Variants in SLC35B3 observed in about 807,000 individuals in gnomAD.
The protein encoded by SLC35B3 is solute carrier family 35 member B3, also known as adenosine 3'-phospho 5'-phosphosulfate transporter 2.
SLC35B3 carries 35 observed loss-of-function variants against 44.1 expected under a neutral mutation model. That is an observed-to-expected ratio of 0.79 (90% CI 0.61 to 1.05). The LOEUF is 1.05. Ranked by LOEUF, SLC35B3 falls within the 50% of genes least tolerant of loss-of-function variation. The pLI, the probability that SLC35B3 is intolerant of heterozygous loss-of-function variation, is 0.00. For synonymous variants in SLC35B3, 146 were observed against 167.3 expected (o/e 0.87, Z 0.98); for missense variants, 414 against 476.4 (o/e 0.87, Z 1.22).
intron 5 of SLC35B3, among the ~76,000 whole-genome samples, chr6:8,421,469 G>A (rs1392638436): frequency 6.6e-6 from 1 of 152,032 alleles, no homozygotes; most frequent in Non-Finnish European, 1.5e-5. Flanking sequence ...ACGTGAAGTA[G>A]TTGACAACAC....
chr6:8,427,765 A>AT, intron 4 of SLC35B3, 172 bp downstream of exon 3: 2 of 481,176 alleles, frequency 4.2e-6, no homozygotes, highest in Non-Finnish European at 7.1e-6. Context: ...TTAAGACTTT[A>AT]TTTTTTTCAG....
chr6:8,430,363 A>ATGGTT, intron 2 of SLC35B3, among the ~76,000 whole-genome samples: 2 of 152,208 alleles, frequency 1.3e-5, no homozygotes, highest in Non-Finnish European at 2.9e-5. Flanking sequence ...AAAGATTAGT[A>ATGGTT]CATCATTAAA....
chr6:8,427,586 T>C (rs1763537786), intron 4 of SLC35B3, among the ~76,000 whole-genome samples: 1 of 152,210 alleles, frequency 6.6e-6, no homozygotes, highest in African/African-American at 2.4e-5. Flanking sequence ...TGTACTGATA[T>C]TTCATTTCAC....
chr6:8,424,707 A>G (rs977898900), intron 4 of SLC35B3, among the ~76,000 whole-genome samples: 1 of 152,222 alleles, frequency 6.6e-6, no homozygotes, highest in African/African-American at 2.4e-5. Flanking sequence ...ACAGTTTATG[A>G]TGTACTTTAG....
chr6:8,419,792 A>G lies in SLC35B3; in HGVS notation c.683-115T>C. On this transcript the variant is annotated intron_variant, in intron 6 of 10. Coordinates refer to ENST00000644923, the MANE Select transcript of SLC35B3 (RefSeq NM_001370476.2). The surrounding 1 kb of genome is among the most constrained non-coding windows in gnomAD (Gnocchi z 4.3). ...TCTAAAAAACAAAAGCAGATCTTCA[A>G]CTACATTTGTTCGGTAATCCAGAAT... is the stretch of plus-strand genomic sequence containing the variant. 1.9e-6 allele frequency: 1 copy of G among 517,898 alleles called. No individual in the cohort carries two copies. Among genetic ancestry groups the G allele is most frequent in the East Asian group, 3.0e-5 (1 of 33,044 alleles). 32.1% of individuals were successfully genotyped at this position (517,898 alleles called of 1,614,324 possible). A position where few individuals can be genotyped will look rare whatever the true frequency, so the allele number is the denominator to read the frequency against.
At position 8,412,214 on chromosome 6, in the gene SLC35B3, C is replaced by T. The variant is rs569844573; in HGVS notation, c.*1335G>A. Among the ~76,000 whole-genome samples, 9 of 152,298 alleles carry T rather than the reference C, an allele frequency of 5.9e-5. No homozygotes were observed. The highest frequency in any genetic ancestry group is 7.4e-5 in the Non-Finnish European group (5 of 68,024). ...TGCCAGCACCTCCATCTTGGACTTC[C>T]AGACATCAGAACTGTGGGAAATAAA... On this transcript the variant is annotated 3_prime_UTR_variant, in exon 11 of 11. Transcript: ENST00000644923.
In SLC35B3 at chr6:8,435,393, T is replaced by C. The variant is rs371229744; in HGVS notation, c.-94A>G. The stretch of plus-strand genomic sequence containing the variant: ...GGGTGACGGCAGCCTGCGTGGCGTC[T>C]GAGCTAGACGGAGCATCTCCCCCTC... On this transcript the variant is annotated 5_prime_UTR_variant, in exon 1 of 11. Coordinates refer to ENST00000644923, the MANE Select transcript of SLC35B3 (RefSeq NM_001370476.2). The surrounding 1 kb of genome is among the most constrained non-coding windows in gnomAD (Gnocchi z 5.5). The C allele has an allele frequency of 7.0e-5, 90 of 1,288,534 alleles. 1 individual carries two copies. The East Asian group carries it at 2.9e-3, about 41-fold the overall frequency. The allele number at this position is 1,288,534 out of a possible 1,614,324, so 79.8% of individuals were successfully genotyped here.
At chr6:8,415,325 G>T (rs1011690420) in intron 9 of SLC35B3, among the ~76,000 whole-genome samples, 2 of 152,162 alleles carry the variant, frequency 1.3e-5, no homozygotes, top group Non-Finnish European at 2.9e-5. Context: ...AGAGGCAGGG[G>T]TTATTCTTTA....
rs1413886746 is a variant in SLC35B3, at chr6:8,435,327, C to G, written c.-44+16G>C. 12 of 1,289,318 alleles carry G rather than the reference C, an allele frequency of 9.3e-6. No homozygotes were observed. Among genetic ancestry groups the G allele is most frequent in the Admixed American group, 2.3e-5 (1 of 43,572 alleles). 79.9% of individuals were successfully genotyped at this position (1,289,318 alleles called of 1,614,324 possible). On this transcript the variant is annotated intron_variant, in intron 1 of 10. Coordinates refer to ENST00000644923, the MANE Select transcript of SLC35B3 (RefSeq NM_001370476.2). The surrounding 1 kb of genome is among the most constrained non-coding windows in gnomAD (Gnocchi z 5.5). ...CTGGGTCCCAAACACAGGAAAGGCC[C>G]CGAAGGCACGCGTACCCCAAGGCCG... is the stretch of plus-strand genomic sequence containing the variant.
At chr6:8,415,095 G>A (rs113880986) in intron 9 of SLC35B3, 118 bp from the exon 9 acceptor site, 349 of 565,366 alleles carry the variant, frequency 6.2e-4, no homozygotes, top group African/African-American at 5.8e-3. Flanking sequence ...AGGTGCCAAG[G>A]TGACAATGGA....
intron 4 of SLC35B3, among the ~76,000 whole-genome samples, chr6:8,423,632 T>G (rs1384370205): frequency 1.3e-5 from 2 of 152,230 alleles, no homozygotes; most frequent in African/African-American, 4.8e-5. Context: ...GAGTTAGATG[T>G]AATTTCCATT....
In SLC35B3 at chr6:8,414,887, G is replaced by A. The variant is rs758316397; in HGVS notation, c.1055+21C>T. On this transcript the variant is annotated intron_variant, in intron 10 of 10. Transcript: ENST00000644923. ...CAGTATCTAAAAACTGAGAAAAATTGTTTAATTAAGAAGTACTTACTGAAA... is the reference window on the plus strand; with the variant it reads ...CAGTATCTAAAAACTGAGAAAAATTATTTAATTAAGAAGTACTTACTGAAA... 6 of 1,422,090 alleles carry A rather than the reference G, an allele frequency of 4.2e-6. No individual in the cohort carries two copies. In the African/African-American group the frequency reaches 5.6e-5, roughly 13 times the overall value. 88.1% of individuals were successfully genotyped at this position (1,422,090 alleles called of 1,614,324 possible).
rs541102644 is a variant in SLC35B3 at position 8,420,043 on chromosome 6, A to T, written c.683-366T>A. Among the ~76,000 whole-genome samples, 290 of 128,146 alleles carry T rather than the reference A, an allele frequency of 2.3e-3. 1 individual carries two copies. The highest frequency in any genetic ancestry group is 0.011 in the Middle Eastern group (3 of 264). 84.1% of individuals were successfully genotyped at this position (128,146 alleles called of 152,430 possible). A position where few individuals can be genotyped will look rare whatever the true frequency, so the allele number is the denominator to read the frequency against. On this transcript the variant is annotated intron_variant, in intron 6 of 10. Coordinates refer to ENST00000644923, the MANE Select transcript of SLC35B3 (RefSeq NM_001370476.2). This position sits in a 1 kb window ranked among gnomAD's most constrained non-coding sequence, Gnocchi z 4.4. ...GGGATTGGTGGCTATTCAGTTAATTAAAAAAAAAAAAAACAGATGAAGAGA... is the reference window on the plus strand; with the variant it reads ...GGGATTGGTGGCTATTCAGTTAATTTAAAAAAAAAAAAACAGATGAAGAGA...
intron 2 of SLC35B3, 92 bp from the exon 2 acceptor site, chr6:8,430,249 G>GTCTGC: frequency 8.5e-7 from 1 of 1,178,970 alleles, no homozygotes; most frequent in Non-Finnish European, 1.2e-6. Context: ...TTATACAAAT[G>GTCTGC]TCTGCTTCTC....
chr6:8,422,554 A>G lies in SLC35B3; in HGVS notation c.490T>C (p.Leu164=), dbSNP rs1286794356. The G allele has an allele frequency of 5.0e-6, 8 of 1,613,400 alleles. No individual in the cohort carries two copies. Among genetic ancestry groups the G allele is most frequent in the Non-Finnish European group, 6.8e-6 (8 of 1,179,424 alleles). ...TGGGTAGGGTAATTCAGGTAGCCCA[A>G]GGAAGTGTTTGATAACCCCATAGTA... Residue 164 remains leucine, a synonymous_variant, in exon 5 of 11, where the codon TTG becomes CTG. Transcript: ENST00000644923.
chr6:8,428,998 C>G (rs541681710), intron 3 of SLC35B3, among the ~76,000 whole-genome samples: 1 of 152,044 alleles, frequency 6.6e-6, no homozygotes, highest in Non-Finnish European at 1.5e-5. Flanking sequence ...ATCATCTCTA[C>G]AAGACAATGA....
At chr6:8,421,075 CT>C (rs1762848855) in intron 5 of SLC35B3, among the ~76,000 whole-genome samples, 1 of 152,128 alleles carries the variant, frequency 6.6e-6, no homozygotes, top group African/African-American at 2.4e-5. Context: ...AAAATACATA[CT>C]TTGGCAAAAA....
intron 4 of SLC35B3, among the ~76,000 whole-genome samples, chr6:8,427,093 G>GT (rs1199649736): frequency 2.6e-5 from 4 of 152,220 alleles, no homozygotes; most frequent in African/African-American, 9.6e-5. Flanking sequence ...ATTGGGTGCT[G>GT]TTGAAAGCAT....
chr6:8,420,148 T>C lies in SLC35B3; in HGVS notation c.683-471A>G, dbSNP rs1261471229. On this transcript the variant is annotated intron_variant, in intron 6 of 10. Coordinates refer to ENST00000644923, the MANE Select transcript of SLC35B3 (RefSeq NM_001370476.2). The surrounding 1 kb of genome is among the most constrained non-coding windows in gnomAD (Gnocchi z 4.4). ...AAACAGGCACGCTGCTGTCAGGGCC[T>C]TTTTCTTTGAGCATGGGTCCTGAAT... Among the ~76,000 whole-genome samples, 1 of 152,144 alleles carries C rather than the reference T, an allele frequency of 6.6e-6. No individual in the cohort carries two copies. The highest frequency in any genetic ancestry group is 2.4e-5 in the African/African-American group (1 of 41,442).
Sources: allele counts gnomAD v4.1 joint callset (sites outside exome capture counted in the v4.1 genomes callset), GRCh38; gene constraint gnomAD v4.1.1; non-coding constraint Gnocchi (gnomAD v3.1); transcripts MANE v1.5; gene names NCBI Gene and HGNC (gene_info 2026-07-23, HGNC 2026-07-21).